DOCK4: variants seen among roughly 807,000 people sequenced by gnomAD.
DOCK4 encodes the protein dedicator of cytokinesis protein 4.
DOCK4 carries 97 observed loss-of-function variants against 268.1 expected under a neutral mutation model. That is an observed-to-expected ratio of 0.36 (90% CI 0.31 to 0.43). DOCK4 has a LOEUF of 0.43. Among genes scored for constraint, DOCK4 ranks in the 20% least tolerant of loss-of-function variants. The pLI, the probability that DOCK4 is intolerant of heterozygous loss-of-function variation, is 1.00. For missense variants in DOCK4, 2,145 were observed against 2,455.7 expected (o/e 0.87, Z 2.67); for synonymous variants, 954 against 887.2 (o/e 1.08, Z -1.34).
chr7:112,067,335 G>A (rs1403021018), intron 1 of DOCK4, among the ~76,000 whole-genome samples: 7 of 151,212 alleles, frequency 4.6e-5, no homozygotes, highest in African/African-American at 1.7e-4. Flanking sequence ...TCCTGACATC[G>A]AGGTCCTGGT....
rs140487671 is a variant in DOCK4 at position 112,118,741 on chromosome 7, T to C, written c.37+87361A>G. 7.4e-4 allele frequency among the ~76,000 whole-genome samples: 112 copies of C among 152,278 alleles called. 1 individual carries two copies. Among genetic ancestry groups the C allele is most frequent in the African/African-American group, 2.4e-3 (100 of 41,558 alleles). On this transcript the variant is annotated intron_variant, in intron 1 of 52. Coordinates refer to ENST00000428084, the MANE Select transcript of DOCK4 (RefSeq NM_001363540.2). ...CAATCTATGAATGAAACAAGCCAGT[T>C]TGGCAAACAAGCCTGTTTGGCAAGG...
intron 8 of DOCK4, among the ~76,000 whole-genome samples, chr7:111,950,994 C>T (rs1796007330): frequency 6.6e-6 from 1 of 152,150 alleles, no homozygotes; most frequent in Non-Finnish European, 1.5e-5. Flanking sequence ...TTGACTTCCC[C>T]ATATACTGCC....
At chr7:111,756,796 C>T (rs561093255) in intron 41 of DOCK4, among the ~76,000 whole-genome samples, 65 of 151,988 alleles carry the variant, frequency 4.3e-4, no homozygotes, top group African/African-American at 1.5e-3. Context: ...GCCAGCCAAG[C>T]TGTGCTGAGA....
intron 1 of DOCK4, among the ~76,000 whole-genome samples, chr7:112,090,863 G>A (rs1024991174): frequency 3.3e-5 from 5 of 152,116 alleles, no homozygotes; most frequent in African/African-American, 1.2e-4. Context: ...GCAGTTCAGG[G>A]TAATAACGTT....
At chr7:111,896,076 TAATA>T (rs1808725291) in intron 15 of DOCK4, among the ~76,000 whole-genome samples, 1 of 152,160 alleles carries the variant, frequency 6.6e-6, no homozygotes, top group African/African-American at 2.4e-5. Flanking sequence ...AGTAGGTGCT[TAATA>T]AATATATGAT....
chr7:112,072,823 T>C (rs1185748862), intron 1 of DOCK4, among the ~76,000 whole-genome samples: 1 of 152,140 alleles, frequency 6.6e-6, no homozygotes, highest in East Asian at 1.9e-4. Flanking sequence ...AGAGGTAAAA[T>C]GGCGGAGCTT....
chr7:112,183,222 G>A (rs1210697526), intron 1 of DOCK4, among the ~76,000 whole-genome samples: 4 of 152,148 alleles, frequency 2.6e-5, no homozygotes, highest in African/African-American at 9.7e-5. Context: ...GGAGAGAAAG[G>A]GCAGAGAAAG....
chr7:111,909,111 A>C (rs1200010685), intron 13 of DOCK4, among the ~76,000 whole-genome samples: 1 of 152,186 alleles, frequency 6.6e-6, no homozygotes, highest in Non-Finnish European at 1.5e-5. Flanking sequence ...CAATGGTTGA[A>C]CTATTTACAC....
chr7:111,787,038 C>T (rs935306808), intron 32 of DOCK4, among the ~76,000 whole-genome samples: 2 of 152,042 alleles, frequency 1.3e-5, no homozygotes, highest in South Asian at 2.1e-4. Context: ...ATTATAGAGG[C>T]TTAATATTTT....
intron 1 of DOCK4, among the ~76,000 whole-genome samples, chr7:112,145,017 G>T (rs1282423432): frequency 6.6e-6 from 1 of 152,080 alleles, no homozygotes; most frequent in Non-Finnish European, 1.5e-5. Flanking sequence ...AAATTTTCCG[G>T]TGCTTCTGTA....
chr7:112,014,739 T>G (rs6960113), intron 1 of DOCK4, among the ~76,000 whole-genome samples: 54,717 of 151,928 alleles, frequency 0.36, 10,656 homozygotes, highest in Non-Finnish European at 0.45. Context: ...TTCAGATTTA[T>G]AAGAAAGTTA....
intron 44 of DOCK4, among the ~76,000 whole-genome samples, chr7:111,742,501 T>G (rs532691505): frequency 1.3e-5 from 2 of 152,288 alleles, no homozygotes; most frequent in African/African-American, 4.8e-5. Flanking sequence ...TGCTGCTCAC[T>G]GTTAAGAGGG....
intron 3 of DOCK4, 35 bp downstream of exon 3, chr7:112,000,459 A>G: frequency 1.7e-6 from 2 of 1,184,764 alleles, no homozygotes; most frequent in Non-Finnish European, 1.2e-6. Context: ...TTCTTAATAA[A>G]TTTCATAATT....
At chr7:112,117,064 A>C (rs1445799496) in intron 1 of DOCK4, among the ~76,000 whole-genome samples, 1 of 152,240 alleles carries the variant, frequency 6.6e-6, no homozygotes, top group Non-Finnish European at 1.5e-5. Flanking sequence ...ATGCAACAAC[A>C]AACAAAACAC....
At chr7:111,922,942 T>C (rs1793277513) in intron 12 of DOCK4, among the ~76,000 whole-genome samples, 1 of 152,204 alleles carries the variant, frequency 6.6e-6, no homozygotes, top group Admixed American at 6.5e-5. Context: ...AATGTGAATG[T>C]AAAATCTCCA....
intron 8 of DOCK4, among the ~76,000 whole-genome samples, chr7:111,976,177 T>TATAC (rs1435347839): frequency 3.4e-5 from 3 of 89,160 alleles, no homozygotes; most frequent in African/African-American, 1.4e-4. Context: ...TATATATATA[T>TATAC]ACACACACAC....
intron 1 of DOCK4, among the ~76,000 whole-genome samples, chr7:112,196,349 C>T (rs1295278442): frequency 6.6e-6 from 1 of 152,080 alleles, no homozygotes; most frequent in African/African-American, 2.4e-5. Context: ...TCACCAATAC[C>T]CTGCCAGAAA....
intron 1 of DOCK4, among the ~76,000 whole-genome samples, chr7:112,195,693 T>C (rs1179086281): frequency 1.3e-5 from 2 of 150,734 alleles, no homozygotes; most frequent in Non-Finnish European, 3.0e-5. Flanking sequence ...GATTATTCCA[T>C]TTTGGAGAAA....
intron 36 of DOCK4, among the ~76,000 whole-genome samples, chr7:111,773,380 T>C (rs890304182): frequency 6.6e-6 from 1 of 152,186 alleles, no homozygotes; most frequent in Admixed American, 6.5e-5. Flanking sequence ...ACATAAAGAC[T>C]GCAAGTTGAG....
Sources: gnomAD v4.1 joint callset for allele counts (sites outside exome capture counted in the v4.1 genomes callset) on GRCh38, gnomAD v4.1.1 for gene constraint, MANE v1.5 for transcripts, NCBI Gene and HGNC (gene_info 2026-07-23, HGNC 2026-07-21) for gene names.